Variants in CFAP299 observed in about 807,000 individuals in gnomAD.
CFAP299 encodes the protein cilia- and flagella-associated protein 299.
A neutral mutation model predicts 27.0 loss-of-function variants in CFAP299; 21 were observed. That is an observed-to-expected ratio of 0.78 (90% confidence interval 0.55 to 1.12). CFAP299 has a LOEUF of 1.12. Ranked by LOEUF, CFAP299 falls within the 50% of genes most tolerant of loss-of-function variation. CFAP299 has a pLI of 0.00. For synonymous variants in CFAP299, 104 were observed against 98.1 expected (o/e 1.06, Z -0.36); for missense variants, 310 against 276.6 (o/e 1.12, Z -0.86).
chr4:80,872,918 CTTCT>C (rs143768869), intron 4 of CFAP299: 95,762 of 951,642 alleles, frequency 0.1, 4,050 homozygotes, highest in African/African-American at 0.23. Context: ...TGTAGTTCTT[CTTCT>C]TTTTTTTTTT....
intron 3 of CFAP299, among the ~76,000 whole-genome samples, chr4:80,799,272 T>A (rs1292657871): frequency 3.1e-5 from 3 of 96,212 alleles, no homozygotes; most frequent in Non-Finnish European, 5.4e-5. Flanking sequence ...TATATAATAT[T>A]TATATATATA....
intron 3 of CFAP299, among the ~76,000 whole-genome samples, chr4:80,698,262 T>C (rs1721238510): frequency 1.3e-5 from 2 of 152,184 alleles, no homozygotes; most frequent in Admixed American, 6.5e-5. Flanking sequence ...CATGGGTAAG[T>C]ACCCCAAAAT....
intron 3 of CFAP299, among the ~76,000 whole-genome samples, chr4:80,809,206 T>C (rs1253818269): frequency 6.6e-6 from 1 of 152,172 alleles, no homozygotes; most frequent in East Asian, 1.9e-4. Context: ...AATTGCAGGC[T>C]ACTCCTACTT....
chr4:80,531,320 T>C (rs111925163), intron 2 of CFAP299, among the ~76,000 whole-genome samples: 1 of 152,150 alleles, frequency 6.6e-6, no homozygotes, highest in Non-Finnish European at 1.5e-5. Context: ...TATTTATAGA[T>C]AAATTTCTTT....
In CFAP299 at chr4:80,856,485, A is replaced by C. The variant is rs1170991059; in HGVS notation, c.334-13508A>C. 5.9e-5 allele frequency among the ~76,000 whole-genome samples: 9 copies of C among 152,166 alleles called. No homozygotes were observed. The South Asian group carries it at 1.9e-3, about 32-fold the overall frequency. ...AGACATGAAGTCCTTGCCCATGCCC[A>C]TGTCCTGAATGGTAATGCCTAGGTT... On this transcript the variant is annotated intron_variant, in intron 3 of 5. Coordinates refer to ENST00000358105, the MANE Select transcript of CFAP299 (RefSeq NM_152770.3).
At chr4:80,834,473 G>A (rs1163160586) in intron 3 of CFAP299, among the ~76,000 whole-genome samples, 1 of 152,064 alleles carries the variant, frequency 6.6e-6, no homozygotes, top group Non-Finnish European at 1.5e-5. Context: ...TTAATGTGTG[G>A]TCATAGTGTT....
chr4:80,728,553 C>A (rs1723292186), intron 3 of CFAP299, among the ~76,000 whole-genome samples: 1 of 151,934 alleles, frequency 6.6e-6, no homozygotes, highest in Admixed American at 6.6e-5. Flanking sequence ...CTTCTATATT[C>A]CCAAAATAAT....
chr4:80,776,714 G>T (rs1486258807), intron 3 of CFAP299, among the ~76,000 whole-genome samples: 1 of 151,886 alleles, frequency 6.6e-6, no homozygotes, highest in Non-Finnish European at 1.5e-5. Flanking sequence ...TAACAAACCT[G>T]CATGTTCTGC....
chr4:80,362,602 A>G (rs1224905769), intron 1 of CFAP299, 152 bp from the exon 2 acceptor site: 2 of 754,016 alleles, frequency 2.7e-6, no homozygotes, highest in Non-Finnish European at 3.9e-6. Context: ...TAGTTTTTTT[A>G]TATCTAATAG....
intron 4 of CFAP299, among the ~76,000 whole-genome samples, chr4:80,883,983 C>T (rs1733847517): frequency 6.6e-6 from 1 of 152,144 alleles, no homozygotes; most frequent in Non-Finnish European, 1.5e-5. Context: ...GCCTGGTACT[C>T]AATAGTTATT....
At chr4:80,386,514 G>GA in intron 2 of CFAP299, 3 of 1,028,272 alleles carry the variant, frequency 2.9e-6, no homozygotes, top group South Asian at 4.2e-5. Flanking sequence ...GGCGGTGGTG[G>GA]GGGGGGGGGG....
chr4:80,351,032 T>C (rs1162333920), intron 1 of CFAP299, among the ~76,000 whole-genome samples: 1 of 152,120 alleles, frequency 6.6e-6, no homozygotes, highest in Non-Finnish European at 1.5e-5. Flanking sequence ...TTGAAAAAAG[T>C]CAACCTAGAA....
intron 3 of CFAP299, among the ~76,000 whole-genome samples, chr4:80,675,677 G>A (rs1025766814): frequency 2.6e-5 from 4 of 152,338 alleles, no homozygotes; most frequent in Non-Finnish European, 4.4e-5. Flanking sequence ...GTCTTGCAGA[G>A]CTGTAGTGGG....
At chr4:80,332,081 G>A (rs1243665794), upstream of CFAP299, among the ~76,000 whole-genome samples, 2 of 152,228 alleles carry the variant, frequency 1.3e-5, no homozygotes, top group African/African-American at 4.8e-5. Flanking sequence ...GAAGAGAAGA[G>A]AGTGGTCACA....
chr4:80,755,814 G>A (rs890497216), intron 3 of CFAP299, among the ~76,000 whole-genome samples: 1 of 152,112 alleles, frequency 6.6e-6, no homozygotes, highest in African/African-American at 2.4e-5. Context: ...GGCATAAACA[G>A]CACTGTTCCT....
intron 3 of CFAP299, among the ~76,000 whole-genome samples, chr4:80,644,265 T>C (rs1346617013): frequency 4.6e-5 from 7 of 152,162 alleles, no homozygotes; most frequent in Non-Finnish European, 2.9e-5. Context: ...TATAAAAGGA[T>C]ACAAGCTATT....
intron 3 of CFAP299, among the ~76,000 whole-genome samples, chr4:80,800,100 T>G (rs1445958074): frequency 1.5e-5 from 1 of 67,816 alleles, no homozygotes; most frequent in Non-Finnish European, 2.5e-5. Context: ...ATATAATATA[T>G]AATATATTAT....
intron 3 of CFAP299, among the ~76,000 whole-genome samples, chr4:80,767,010 C>G (rs1047968025): frequency 6.6e-6 from 1 of 152,172 alleles, no homozygotes. Flanking sequence ...AGCAGTCCCC[C>G]CTTATCCGAA....
intron 3 of CFAP299, among the ~76,000 whole-genome samples, chr4:80,677,025 G>T (rs183720216): frequency 6.6e-6 from 1 of 151,574 alleles, no homozygotes; most frequent in Non-Finnish European, 1.5e-5. Context: ...AATTCTTTGA[G>T]GTTCATCATT....
Sources: allele counts gnomAD v4.1 joint callset (sites outside exome capture counted in the v4.1 genomes callset), GRCh38; gene constraint gnomAD v4.1.1; transcripts MANE v1.5; gene names NCBI Gene and HGNC (gene_info 2026-07-23, HGNC 2026-07-21).